Variants in MYO1H observed in about 807,000 individuals in gnomAD.
The protein encoded by MYO1H is myosin IH, also known as unconventional myosin-Ih.
A neutral mutation model predicts 149.3 loss-of-function variants in MYO1H; 118 were observed. The observed-to-expected ratio is 0.79, with a 90% confidence interval of 0.68 to 0.92. The LOEUF (loss-of-function observed/expected upper bound fraction) is 0.92, where lower values mean the gene tolerates loss of function less well. MYO1H is among the 40% of genes least tolerant of loss of function. The pLI is 0.00. For missense variants in MYO1H, 1,212 were observed against 1,280.7 expected (o/e 0.95, Z 0.82); for synonymous variants, 447 against 465.2 (o/e 0.96, Z 0.50).
chr12:109,345,632 C>G (rs922867548), upstream of MYO1H, among the ~76,000 whole-genome samples: 1 of 152,110 alleles, frequency 6.6e-6, no homozygotes, highest in Non-Finnish European at 1.5e-5. Context: ...GAAATGAAAA[C>G]AAGTCCACAC....
At chr12:109,417,049 T>C in intron 15 of MYO1H, among the ~76,000 whole-genome samples, 1 of 150,910 alleles carries the variant, frequency 6.6e-6, no homozygotes, top group East Asian at 2.0e-4. Flanking sequence ...TGATCGCCTG[T>C]AGTCCCAGCT....
chr12:109,441,765 G>T, intron 26 of MYO1H, 57 bp downstream of exon 26: 1 of 1,217,058 alleles, frequency 8.2e-7, no homozygotes, highest in Non-Finnish European at 1.2e-6. Context: ...GGAGTTAAAG[G>T]GTGGGGTGCG....
intron 14 of MYO1H, among the ~76,000 whole-genome samples, chr12:109,414,101 A>G (rs544590617): frequency 6.6e-6 from 1 of 152,280 alleles, no homozygotes; most frequent in East Asian, 1.9e-4. Flanking sequence ...TATCGTTTTC[A>G]AAAATTCATT....
chr12:109,434,201 G>A (rs906852734), intron 20 of MYO1H, among the ~76,000 whole-genome samples: 5 of 152,016 alleles, frequency 3.3e-5, no homozygotes, highest in African/African-American at 1.2e-4. Context: ...GTAGAGACAG[G>A]GTTTCACCGC....
At chr12:109,379,314 A>C (rs1302692085) in intron 1 of MYO1H, among the ~76,000 whole-genome samples, 1 of 152,222 alleles carries the variant, frequency 6.6e-6, no homozygotes, top group Non-Finnish European at 1.5e-5. Flanking sequence ...GGCTGGGAAT[A>C]ATGTCCATTT....
chr12:109,388,595 G>T, intron 1 of MYO1H, 88 bp from the exon 2 acceptor site: 3 of 1,239,508 alleles, frequency 2.4e-6, no homozygotes, highest in Non-Finnish European at 3.3e-6. Context: ...CTATCCCAGG[G>T]TTTAGCATCT....
chr12:109,410,707 TCAA>T lies in MYO1H; in HGVS notation c.1356_1358del (p.Asn452del), dbSNP rs771094577. The T allele has an allele frequency of 2.1e-5, 34 of 1,600,014 alleles. 1 individual carries two copies. In the Admixed American group the frequency reaches 2.7e-4, roughly 13 times the overall value. On this transcript the variant is annotated inframe_deletion, in exon 13 of 32. Coordinates refer to ENST00000310903, the Ensembl canonical transcript of MYO1H. The stretch of plus-strand genomic sequence containing the variant: ...TTTTAGTGGGAGCCAATTAAATATT[TCAA>T]CAACAAGATCATCTGTGATTTGGTA...
intron 1 of MYO1H, among the ~76,000 whole-genome samples, chr12:109,350,610 G>A (rs146189914): frequency 1.4e-3 from 214 of 152,232 alleles, no homozygotes; most frequent in African/African-American, 4.6e-3. Context: ...TATTAGCAGC[G>A]TGAAAACGAA....
intron 1 of MYO1H, among the ~76,000 whole-genome samples, chr12:109,357,554 A>G (rs1170544107): frequency 1.3e-5 from 2 of 152,250 alleles, no homozygotes; most frequent in Non-Finnish European, 2.9e-5. Context: ...ATAGGCAAAC[A>G]TAAATGTGTC....
At chr12:109,384,277 G>A (rs1423883776) in intron 1 of MYO1H, among the ~76,000 whole-genome samples, 1 of 152,142 alleles carries the variant, frequency 6.6e-6, no homozygotes, top group Non-Finnish European at 1.5e-5. Context: ...CCTGCACCAT[G>A]GTTATGCACA....
At chr12:109,421,134 C>G (rs999378946) in intron 16 of MYO1H, 107 bp downstream of exon 16, 1 of 678,102 alleles carries the variant, frequency 1.5e-6, no homozygotes, top group African/African-American at 1.8e-5. Context: ...TTCCATGCAT[C>G]GTATTAGAAC....
chr12:109,331,056 C>G, the MYO1H span, among the ~76,000 whole-genome samples: 1 of 152,126 alleles, frequency 6.6e-6, no homozygotes, highest in Non-Finnish European at 1.5e-5. Flanking sequence ...GATAAATTTC[C>G]CTTGCTTAAA....
intron 1 of MYO1H, among the ~76,000 whole-genome samples, chr12:109,362,916 T>C (rs1868785187): frequency 6.6e-6 from 1 of 152,232 alleles, no homozygotes; most frequent in African/African-American, 2.4e-5. Flanking sequence ...ACAACCTAAA[T>C]TATGCCAAGA....
intron 20 of MYO1H, among the ~76,000 whole-genome samples, chr12:109,433,274 A>C (rs561514984): frequency 6.6e-6 from 1 of 152,298 alleles, no homozygotes; most frequent in Admixed American, 6.5e-5. Context: ...CTAGCAAAAC[A>C]AAGAGGGAAC....
the MYO1H span, among the ~76,000 whole-genome samples, chr12:109,326,131 G>A: frequency 6.6e-6 from 1 of 152,338 alleles, no homozygotes; most frequent in South Asian, 2.1e-4. Flanking sequence ...TACCTGAAGA[G>A]GTGAATCAGA....
At chr12:109,366,521 G>A (rs1013393012) in intron 1 of MYO1H, among the ~76,000 whole-genome samples, 2 of 152,152 alleles carry the variant, frequency 1.3e-5, no homozygotes, top group Non-Finnish European at 2.9e-5. Context: ...TTTGTTTCAC[G>A]GTTTAAGAGG....
At chr12:109,318,969 TTTG>T in the MYO1H span, among the ~76,000 whole-genome samples, 39 of 112,746 alleles carry the variant, frequency 3.5e-4, 1 homozygote, top group Non-Finnish European at 5.2e-4. Context: ...CGTTTTTGGT[TTTG>T]TTTTTTTTTT....
At chr12:109,318,972 GTTTTTTTTTT>G in the MYO1H span, among the ~76,000 whole-genome samples, 169 of 77,270 alleles carry the variant, frequency 2.2e-3, 5 homozygotes, top group African/African-American at 7.6e-3. Context: ...TTTTGGTTTT[GTTTTTTTTTT>G]TTTTTTTTTT....
chr12:109,320,855 C>G, the MYO1H span, among the ~76,000 whole-genome samples: 1 of 151,730 alleles, frequency 6.6e-6, no homozygotes, highest in Non-Finnish European at 1.5e-5. Flanking sequence ...TTTGAGAGGC[C>G]GAGGCGGGTG....
Sources: allele counts gnomAD v4.1 joint callset (sites outside exome capture counted in the v4.1 genomes callset), GRCh38; gene constraint gnomAD v4.1.1; transcripts MANE v1.5; gene names NCBI Gene and HGNC (gene_info 2026-07-23, HGNC 2026-07-21).